Variants in HECTD4 observed in about 807,000 individuals in gnomAD.
HECTD4 encodes the protein probable E3 ubiquitin-protein ligase HECTD4.
In HECTD4, 114 loss-of-function variants were observed where a neutral mutation model predicts 471.5. The ratio of observed to expected loss-of-function variants is 0.24; its 90% confidence interval spans 0.21 to 0.28. The LOEUF (loss-of-function observed/expected upper bound fraction) is 0.28, where lower values mean the gene tolerates loss of function less well. HECTD4 is among the 10% of genes least tolerant of loss of function. The probability of loss-of-function intolerance (pLI) is 1.00; values close to 1 mark genes in which losing one functional copy is unlikely to be tolerated. For missense variants in HECTD4, 3,866 were observed against 5,651.5 expected (o/e 0.68, Z 10.13); for synonymous variants, 2,012 against 2,256.0 (o/e 0.89, Z 3.07).
intron 1 of HECTD4, among the ~76,000 whole-genome samples, chr12:112,328,901 T>C (rs1362134789): frequency 6.6e-6 from 1 of 152,246 alleles, no homozygotes; most frequent in Non-Finnish European, 1.5e-5. Flanking sequence ...ATTTTTTAGT[T>C]TTGGCTAAGC....
chr12:112,290,451 C>T (rs1265568198), intron 7 of HECTD4, among the ~76,000 whole-genome samples: 3 of 151,018 alleles, frequency 2.0e-5, no homozygotes, highest in Non-Finnish European at 4.4e-5. Context: ...CTTGAGCCTG[C>T]AAGGTTCTAG....
rs145098772 is a variant in HECTD4 at position 112,246,085 on chromosome 12, T to C, written c.4513+816A>G. On this transcript the variant is annotated intron_variant, in intron 29 of 75. Transcript: ENST00000682272. The stretch of plus-strand genomic sequence containing the variant: ...AGACAGAGACTGCAGTGAGCAGAGA[T>C]TGTGCCACCGCACTCCAGCCTGGAC... 2.1e-3 allele frequency among the ~76,000 whole-genome samples: 323 copies of C among 151,898 alleles called. 1 individual carries two copies. The highest frequency in any genetic ancestry group is 0.01 in the Middle Eastern group (3 of 292).
intron 66 of HECTD4, among the ~76,000 whole-genome samples, chr12:112,174,102 C>A (rs1420040783): frequency 6.6e-6 from 1 of 151,140 alleles, no homozygotes; most frequent in Non-Finnish European, 1.5e-5. Flanking sequence ...CTCAGCCTCC[C>A]AAGTAGCTGG....
At chr12:112,219,196 T>G (rs990401319) in intron 45 of HECTD4, among the ~76,000 whole-genome samples, 190 bp downstream of exon 45, 9 of 152,218 alleles carry the variant, frequency 5.9e-5, no homozygotes, top group African/African-American at 2.2e-4. Context: ...ATATTCAGAA[T>G]GTCAGCTCAA....
Position 112,179,442 on chromosome 12 carries a change from A to G in HECTD4, c.10988-45T>C, listed in dbSNP as rs1317441359. ...CAAAACAATTCTGCCGTGAACATGCATCGGGACAAGCCCTGCGAGCATTCT... is the reference window on the plus strand; with the variant it reads ...CAAAACAATTCTGCCGTGAACATGCGTCGGGACAAGCCCTGCGAGCATTCT... On this transcript the variant is annotated intron_variant, in intron 62 of 75. Coordinates refer to ENST00000682272, the MANE Select transcript of HECTD4 (RefSeq NM_001388303.1). This position sits in a 1 kb window ranked among gnomAD's most constrained non-coding sequence, Gnocchi z 4.3. 6.7e-7 allele frequency: 1 copy of G among 1,503,148 alleles called. No individual in the cohort carries two copies. The highest frequency in any genetic ancestry group is 2.3e-5 in the East Asian group (1 of 43,036). The allele number at this position is 1,503,148 out of a possible 1,614,324, so 93.1% of individuals were successfully genotyped here.
In HECTD4 at chr12:112,216,766, T is replaced by C; in HGVS notation, c.7385+7A>G. On this transcript the variant is annotated splice_region_variant and intron_variant, in intron 47 of 75. Coordinates refer to ENST00000682272, the MANE Select transcript of HECTD4 (RefSeq NM_001388303.1). The stretch of plus-strand genomic sequence containing the variant: ...CTCTGTCACACTGAGCTACTTCTTT[T>C]ACTTACTTATGGAAAAGACAAGTGC... 5 of 1,612,692 alleles carry C rather than the reference T, an allele frequency of 3.1e-6. No individual in the cohort carries two copies. Among genetic ancestry groups the C allele is most frequent in the East Asian group, 2.2e-5 (1 of 44,824 alleles).
chr12:112,301,693 T>C (rs542414407), intron 7 of HECTD4, among the ~76,000 whole-genome samples: 1 of 152,338 alleles, frequency 6.6e-6, no homozygotes, highest in South Asian at 2.1e-4. Flanking sequence ...TGATAATTCC[T>C]TTTTGAGGCA....
At chr12:112,200,152 C>G (rs1054157942) in intron 55 of HECTD4, among the ~76,000 whole-genome samples, 3 of 149,070 alleles carry the variant, frequency 2.0e-5, no homozygotes, top group African/African-American at 7.4e-5. Context: ...TTCTAGATCC[C>G]CCATTTTTTT....
intron 62 of HECTD4, among the ~76,000 whole-genome samples, chr12:112,181,723 G>A (rs999411576): frequency 2.6e-5 from 4 of 152,222 alleles, no homozygotes; most frequent in Non-Finnish European, 5.9e-5. Context: ...GCTTTCCAAA[G>A]TGCTGGGATT....
At chr12:112,290,482 C>A (rs1052354558) in intron 7 of HECTD4, among the ~76,000 whole-genome samples, 1 of 151,674 alleles carries the variant, frequency 6.6e-6, no homozygotes, top group Admixed American at 6.6e-5. Flanking sequence ...ACTGTGATCA[C>A]ACCATTCCAC....
In HECTD4 at chr12:112,259,517, CTT is replaced by C. The variant is rs34854104; in HGVS notation, c.2874-254_2874-253del. Among the ~76,000 whole-genome samples, 5,236 of 118,362 alleles carry C rather than the reference CTT, an allele frequency of 0.044. 390 individuals are homozygous for C. In the East Asian group the frequency reaches 0.5, roughly 11 times the overall value. The allele number at this position is 118,362 out of a possible 152,430, so 77.7% of individuals were successfully genotyped here. ...TTTTGCCAAAAAATTTATAAGCTGC[CTT>C]TTTTTTTTTTTTTTTTTTTGACAGG... On this transcript the variant is annotated intron_variant, in intron 18 of 75. Coordinates refer to ENST00000682272, the MANE Select transcript of HECTD4 (RefSeq NM_001388303.1).
At chr12:112,262,612 C>T (rs139127556) in intron 17 of HECTD4, among the ~76,000 whole-genome samples, 1 of 105,106 alleles carries the variant, frequency 9.5e-6, no homozygotes, top group African/African-American at 6.2e-5. Flanking sequence ...TTTCTGGGGT[C>T]TTTATTATTA....
At chr12:112,367,535 T>G (rs959237972) in intron 1 of HECTD4, among the ~76,000 whole-genome samples, 2 of 152,026 alleles carry the variant, frequency 1.3e-5, no homozygotes, top group African/African-American at 4.8e-5. Context: ...AAAAAATGCT[T>G]CCGGCAGGGC....
intron 72 of HECTD4, among the ~76,000 whole-genome samples, chr12:112,165,664 T>C (rs2030923828): frequency 6.6e-6 from 1 of 152,212 alleles, no homozygotes; most frequent in African/African-American, 2.4e-5. Context: ...GAGCAACTCA[T>C]TTTAAACAAT....
chr12:112,312,858 G>A (rs1280075540), intron 4 of HECTD4, among the ~76,000 whole-genome samples, 159 bp downstream of exon 4: 2 of 152,080 alleles, frequency 1.3e-5, no homozygotes, highest in South Asian at 4.1e-4. Context: ...GCTTTTATAC[G>A]TTTACTGATA....
chr12:112,229,644 G>T, intron 41 of HECTD4, 54 bp downstream of exon 41: 2 of 1,479,854 alleles, frequency 1.4e-6, no homozygotes, highest in Non-Finnish European at 9.2e-7. Flanking sequence ...ATTAATTAAT[G>T]GATGCTTATA....
chr12:112,190,344 T>C (rs2032036338), intron 60 of HECTD4, among the ~76,000 whole-genome samples: 1 of 152,240 alleles, frequency 6.6e-6, no homozygotes, highest in African/African-American at 2.4e-5. Context: ...TTTAGGTAAA[T>C]TTGCATATGG....
rs745409636 is a variant in HECTD4, at chr12:112,306,198, G to T, written c.1201C>A (p.Pro401Thr). The change falls in exon 7 of 76, where the codon CCC becomes ACC. Residue 401 changes from proline (P) to threonine (T), a missense_variant. Around this residue, in one of 16 missense-constraint regions of HECTD4, gnomAD observed 440 missense variants for 636.0 expected, o/e 0.69. Transcript: ENST00000682272. ...ACAGTGCTCATGGTGCTGCCAATGG[G>T]GAGGTGATTGGCTGGCATTGGCACC... ...QVVPMPANHL[P>T]IGSTMSTVHL... The T allele has an allele frequency of 6.3e-7, 1 of 1,588,388 alleles. No individual in the cohort carries two copies. Among genetic ancestry groups the T allele is most frequent in the East Asian group, 2.3e-5 (1 of 43,870 alleles).
chr12:112,163,405 TGAC>T lies in HECTD4; in HGVS notation c.12897+134_12897+136del. On this transcript the variant is annotated intron_variant, in intron 74 of 75. Transcript: ENST00000682272. The surrounding 1 kb of genome is among the most constrained non-coding windows in gnomAD (Gnocchi z 8.2). ...TGTGAGCACAGGGAGATGACAATGATGACAATGATACAGGTCTGTGGCAAGGAC... is the reference window on the plus strand; with the variant it reads ...TGTGAGCACAGGGAGATGACAATGATAATGATACAGGTCTGTGGCAAGGAC... 1 of 1,034,068 alleles carries T rather than the reference TGAC, an allele frequency of 9.7e-7. No homozygotes were observed. The highest frequency in any genetic ancestry group is 1.4e-6 in the Non-Finnish European group (1 of 715,794). The allele number at this position is 1,034,068 out of a possible 1,614,324, so 64.1% of individuals were successfully genotyped here.
Sources: gnomAD v4.1 joint callset for allele counts (sites outside exome capture counted in the v4.1 genomes callset) on GRCh38, gnomAD v4.1.1 for gene constraint, gnomAD v4.1.1 regional missense constraint, Gnocchi (gnomAD v3.1) non-coding constraint, MANE v1.5 for transcripts, NCBI Gene and HGNC (gene_info 2026-07-23, HGNC 2026-07-21) for gene names.